The following KCNMA1 variants were observed in gnomAD, a reference collection of about 807,000 sequenced individuals.
KCNMA1 encodes potassium calcium-activated channel subfamily M alpha 1.
Under a neutral mutation model 140.0 loss-of-function variants are expected in KCNMA1, and 29 were observed. The observed-to-expected ratio is 0.21, with a 90% CI of 0.15 to 0.28. The LOEUF is 0.28. Among genes scored for constraint, KCNMA1 ranks in the 10% least tolerant of loss-of-function variants. The pLI is 1.00. For synonymous variants in KCNMA1, 612 were observed against 611.9 expected (o/e 1.00, Z 0.00); for missense variants, 880 against 1,602.2 (o/e 0.55, Z 7.70).
intron 3 of KCNMA1, among the ~76,000 whole-genome samples, chr10:77,187,717 A>G (rs562872647): frequency 6.6e-6 from 1 of 152,300 alleles, no homozygotes; most frequent in South Asian, 2.1e-4. Context: ...TGATCGGGCA[A>G]TGTACTTTCT....
chr10:77,182,556 C>G (rs1346092698), intron 5 of KCNMA1, among the ~76,000 whole-genome samples: 1 of 152,178 alleles, frequency 6.6e-6, no homozygotes, highest in Non-Finnish European at 1.5e-5. Context: ...GATGAATGCT[C>G]TCTTCACACA....
At chr10:76,896,141 A>G (rs1175772256) in intron 25 of KCNMA1, among the ~76,000 whole-genome samples, 1 of 152,196 alleles carries the variant, frequency 6.6e-6, no homozygotes, top group Admixed American at 6.5e-5. Flanking sequence ...GAGGCCAGGG[A>G]GTGTTTCATC....
At chr10:77,552,413 C>T (rs2063074785) in intron 1 of KCNMA1, among the ~76,000 whole-genome samples, 2 of 152,164 alleles carry the variant, frequency 1.3e-5, no homozygotes, top group Admixed American at 1.3e-4. Flanking sequence ...TGCATAAACA[C>T]ATTTCAGGGA....
chr10:77,584,424 G>A (rs1175259901), intron 1 of KCNMA1, among the ~76,000 whole-genome samples: 3 of 152,114 alleles, frequency 2.0e-5, no homozygotes, highest in East Asian at 1.9e-4. Context: ...GCGCAATCTC[G>A]GCTCACTGCA....
chr10:77,494,913 T>C (rs1320458195), intron 1 of KCNMA1, among the ~76,000 whole-genome samples: 1 of 152,184 alleles, frequency 6.6e-6, no homozygotes, highest in Non-Finnish European at 1.5e-5. Context: ...ATCTCTGCCT[T>C]CATCTTTATA....
At chr10:77,547,192 G>A (rs1297848262) in intron 1 of KCNMA1, among the ~76,000 whole-genome samples, 2 of 152,142 alleles carry the variant, frequency 1.3e-5, no homozygotes, top group African/African-American at 4.8e-5. Flanking sequence ...ACCTTCCTGT[G>A]CAAAGATGAG....
intron 23 of KCNMA1, among the ~76,000 whole-genome samples, chr10:76,917,272 G>A (rs116414068): frequency 7.4e-4 from 113 of 152,242 alleles, no homozygotes; most frequent in African/African-American, 2.6e-3. Flanking sequence ...ATAATACATG[G>A]CCTGTATTTT....
chr10:76,942,256 C>A (rs1195526700), intron 23 of KCNMA1, among the ~76,000 whole-genome samples: 3 of 152,152 alleles, frequency 2.0e-5, no homozygotes, highest in African/African-American at 7.2e-5. Flanking sequence ...CCATGCCTGG[C>A]CTCAGGCTTC....
At chr10:76,940,165 T>C (rs1199033457) in intron 23 of KCNMA1, among the ~76,000 whole-genome samples, 3 of 152,216 alleles carry the variant, frequency 2.0e-5, no homozygotes, top group Non-Finnish European at 4.4e-5. Flanking sequence ...ACATCGGATA[T>C]ACCATCTGGC....
chr10:77,375,739 C>T (rs965912206), intron 2 of KCNMA1, among the ~76,000 whole-genome samples: 16 of 152,224 alleles, frequency 1.1e-4, no homozygotes, highest in Admixed American at 7.2e-4. Context: ...TTGCAGAGAG[C>T]TACCTGGCCA....
At position 77,424,825 on chromosome 10, in the gene KCNMA1, C is replaced by T. The variant is rs530975026; in HGVS notation, c.379-20802G>A. Among the ~76,000 whole-genome samples, 7 of 152,330 alleles carry T rather than the reference C, an allele frequency of 4.6e-5. No homozygotes were observed. In the South Asian group the frequency reaches 1.5e-3, roughly 32 times the overall value. The stretch of plus-strand genomic sequence containing the variant: ...CAGCCTGGTTCAGTCCAAATTAGGG[C>T]CCCCTTGTTCTTTCTCATCACAACC... On this transcript the variant is annotated intron_variant, in intron 1 of 27. Coordinates refer to ENST00000286628, the MANE Select transcript of KCNMA1 (RefSeq NM_001161352.2).
intron 20 of KCNMA1, among the ~76,000 whole-genome samples, chr10:76,960,620 T>TTTG (rs2070896411): frequency 7.5e-6 from 1 of 133,728 alleles, no homozygotes; most frequent in Non-Finnish European, 1.6e-5. Context: ...ATGGTTTTGT[T>TTTG]TTTTTTTTTT....
At chr10:77,229,777 A>G (rs1269923572) in intron 3 of KCNMA1, among the ~76,000 whole-genome samples, 1 of 152,212 alleles carries the variant, frequency 6.6e-6, no homozygotes, top group Non-Finnish European at 1.5e-5. Context: ...ACACACACAA[A>G]GCAAACAAAC....
At chr10:76,955,923 C>A (rs1424902257) in intron 20 of KCNMA1, among the ~76,000 whole-genome samples, 1 of 152,108 alleles carries the variant, frequency 6.6e-6, no homozygotes, top group Non-Finnish European at 1.5e-5. Flanking sequence ...GATATAGAGC[C>A]AGGTTCAAAT....
intron 2 of KCNMA1, among the ~76,000 whole-genome samples, chr10:77,334,300 C>T (rs1209979126): frequency 6.6e-6 from 1 of 152,250 alleles, no homozygotes; most frequent in African/African-American, 2.4e-5. Flanking sequence ...TTAAGAATCA[C>T]TCTATCTCTA....
chr10:77,451,807 C>G (rs2097665758), intron 1 of KCNMA1, among the ~76,000 whole-genome samples: 1 of 152,134 alleles, frequency 6.6e-6, no homozygotes, highest in Non-Finnish European at 1.5e-5. Context: ...TTTTTCTCCC[C>G]AGGGCATATA....
chr10:77,225,230 A>G (rs2050929734), intron 3 of KCNMA1, among the ~76,000 whole-genome samples: 1 of 152,104 alleles, frequency 6.6e-6, no homozygotes, highest in African/African-American at 2.4e-5. Flanking sequence ...GCCAGGGGAG[A>G]CTGGGCATTA....
At chr10:77,527,985 T>A (rs1371450666) in intron 1 of KCNMA1, among the ~76,000 whole-genome samples, 1 of 152,138 alleles carries the variant, frequency 6.6e-6, no homozygotes, top group Non-Finnish European at 1.5e-5. Flanking sequence ...GGACAGCCTG[T>A]CTGGGTTCAA....
intron 5 of KCNMA1, among the ~76,000 whole-genome samples, chr10:77,150,254 G>A (rs1481806150): frequency 6.6e-6 from 1 of 152,106 alleles, no homozygotes; most frequent in African/African-American, 2.4e-5. Context: ...ATTCTGGACT[G>A]ATTATCCAAT....
Sources: allele counts gnomAD v4.1 joint callset (sites outside exome capture counted in the v4.1 genomes callset), GRCh38; gene constraint gnomAD v4.1.1; transcripts MANE v1.5; gene names NCBI Gene and HGNC (gene_info 2026-07-23, HGNC 2026-07-21).